The following UBXN2A variants were observed in gnomAD, a reference collection of about 807,000 sequenced individuals.
UBXN2A encodes the protein UBX domain protein 2A, also known as UBX domain-containing protein 2A.
Under a neutral mutation model 28.4 loss-of-function variants are expected in UBXN2A, and 28 were observed. The observed-to-expected ratio is 0.99, with a 90% confidence interval of 0.73 to 1.35. The LOEUF is 1.35. UBXN2A is among the 40% of genes most tolerant of loss of function. UBXN2A has a pLI of 0.00. For missense variants in UBXN2A, 253 were observed against 297.9 expected (o/e 0.85, Z 1.11); for synonymous variants, 97 against 103.6 (o/e 0.94, Z 0.39).
chr2:23,929,058 C>T (rs932379647), intron 1 of UBXN2A, among the ~76,000 whole-genome samples: 6 of 152,058 alleles, frequency 3.9e-5, no homozygotes, highest in Non-Finnish European at 8.8e-5. Flanking sequence ...GAGGCCGAGG[C>T]GGGAGGATGG....
Position 23,999,987 on chromosome 2 carries a change from C to A in UBXN2A, c.*120C>A. Reference sequence around the variant, plus strand: ...GACTTTTGGTTCGAGTACTATTGAACTCTCTCCTGATGAGAAGATGTTTAG... The same window carrying A: ...GACTTTTGGTTCGAGTACTATTGAAATCTCTCCTGATGAGAAGATGTTTAG... On this transcript the variant is annotated 3_prime_UTR_variant, in exon 7 of 7. Coordinates refer to ENST00000309033, the MANE Select transcript of UBXN2A (RefSeq NM_181713.4). 1.1e-6 allele frequency: 1 copy of A among 908,608 alleles called. No homozygotes were observed. The highest frequency in any genetic ancestry group is 1.7e-6 in the Non-Finnish European group (1 of 598,266). 56.3% of individuals were successfully genotyped at this position (908,608 alleles called of 1,614,324 possible).
At chr2:23,982,414 C>T (rs1030641972) in intron 4 of UBXN2A, among the ~76,000 whole-genome samples, 14 of 152,102 alleles carry the variant, frequency 9.2e-5, no homozygotes, top group East Asian at 3.9e-4. Context: ...CATTTAAAGC[C>T]GTCCTAGGCC....
chr2:23,971,753 G>A lies in UBXN2A; in HGVS notation c.180+339G>A, dbSNP rs139332306. Among the ~76,000 whole-genome samples the A allele has an allele frequency of 2.0e-3, 304 of 152,172 alleles. 1 individual carries two copies. Among genetic ancestry groups the A allele is most frequent in the African/African-American group, 6.8e-3 (282 of 41,532 alleles). On this transcript the variant is annotated intron_variant, in intron 3 of 6. Coordinates refer to ENST00000309033, the MANE Select transcript of UBXN2A (RefSeq NM_181713.4). ...AGTTCTCCTGCCTTGGTTTCCCAAAGTGCTGGGATTATAGGTGTGAGGCCA... is the reference window on the plus strand; with the variant it reads ...AGTTCTCCTGCCTTGGTTTCCCAAAATGCTGGGATTATAGGTGTGAGGCCA...
At chr2:23,989,208 T>G (rs2150907799) in intron 6 of UBXN2A, among the ~76,000 whole-genome samples, 1 of 151,874 alleles carries the variant, frequency 6.6e-6, no homozygotes, top group African/African-American at 2.4e-5. Flanking sequence ...GATACCAAAA[T>G]CAACAAAGAC....
chr2:23,981,303 C>CAAAA (rs34236089), intron 4 of UBXN2A, among the ~76,000 whole-genome samples: 2 of 69,468 alleles, frequency 2.9e-5, no homozygotes, highest in Non-Finnish European at 5.1e-5. Context: ...CCTGTCTCTA[C>CAAAA]AAAAAAAAAA....
At chr2:23,980,995 A>G (rs1707870906) in intron 4 of UBXN2A, among the ~76,000 whole-genome samples, 1 of 152,102 alleles carries the variant, frequency 6.6e-6, no homozygotes, top group Non-Finnish European at 1.5e-5. Flanking sequence ...TTTTCTGAAT[A>G]CAAATTCCTT....
intron 6 of UBXN2A, among the ~76,000 whole-genome samples, chr2:23,998,855 C>T (rs557817644): frequency 2.8e-4 from 42 of 152,274 alleles, no homozygotes; most frequent in African/African-American, 9.6e-4. Context: ...CTCAGCCTCC[C>T]GAGCAGCTGG....
At chr2:23,933,318 C>A (rs1469117503) in intron 1 of UBXN2A, among the ~76,000 whole-genome samples, 1 of 151,794 alleles carries the variant, frequency 6.6e-6, no homozygotes, top group Non-Finnish European at 1.5e-5. Flanking sequence ...ACCAGCCTGA[C>A]CAACATGGAG....
At chr2:23,968,704 T>C (rs367919712) in intron 2 of UBXN2A, among the ~76,000 whole-genome samples, 3 of 151,490 alleles carry the variant, frequency 2.0e-5, no homozygotes, top group Admixed American at 6.6e-5. Flanking sequence ...ATCTAACTTA[T>C]ATTTCCTGGC....
chr2:23,960,084 C>G (rs886193722), intron 2 of UBXN2A, among the ~76,000 whole-genome samples: 1 of 151,790 alleles, frequency 6.6e-6, no homozygotes, highest in Non-Finnish European at 1.5e-5. Flanking sequence ...AACCCCGTCT[C>G]TACTAAAAAT....
In UBXN2A at chr2:23,999,867, AT is replaced by A. The variant is rs747095744; in HGVS notation, c.*5del. ...CTTTTAGAGAACTTTCAGAGCACTGATTTTTGATAGACTAAGTGGAAAATTT... is the reference window on the plus strand; with the variant it reads ...CTTTTAGAGAACTTTCAGAGCACTGATTTTGATAGACTAAGTGGAAAATTT... On this transcript the variant is annotated 3_prime_UTR_variant, in exon 7 of 7. Coordinates refer to ENST00000309033, the MANE Select transcript of UBXN2A (RefSeq NM_181713.4). 4 of 1,608,038 alleles carry A rather than the reference AT, an allele frequency of 2.5e-6. No homozygotes were observed. The South Asian group carries it at 4.4e-5, about 18-fold the overall frequency.
At chr2:23,936,609 ACT>A (rs576907765), upstream of UBXN2A, among the ~76,000 whole-genome samples, 341 of 152,062 alleles carry the variant, frequency 2.2e-3, 2 homozygotes, top group African/African-American at 8.0e-3. Context: ...ATGGAGAGAG[ACT>A]CTGTCTCAAA....
chr2:23,960,372 A>C (rs1194535396), intron 2 of UBXN2A, among the ~76,000 whole-genome samples: 1 of 152,224 alleles, frequency 6.6e-6, no homozygotes, highest in Non-Finnish European at 1.5e-5. Flanking sequence ...ATTTCTGCGC[A>C]GTAATAAATT....
At chr2:23,942,181 G>A (rs1664063280) in intron 1 of UBXN2A, among the ~76,000 whole-genome samples, 1 of 152,114 alleles carries the variant, frequency 6.6e-6, no homozygotes, top group Admixed American at 6.6e-5. Flanking sequence ...AGGTAACAGG[G>A]GGACTTATCC....
chr2:23,971,412 C>G lies in UBXN2A; in HGVS notation c.178C>G (p.Gln60Glu). ...TGTGTCTCCCGCTGAACAGAAGAAA[C>G]AGGTAAATAAATGTCTATTACTTTT... is the stretch of plus-strand genomic sequence containing the variant. ...KCVSPAEQKK[Q>E]VDVNIKLWKN... The change falls in exon 3 of 7, where the codon CAG (glutamine) becomes GAG (glutamate). Residue 60 changes from glutamine (Q) to glutamate (E), a missense_variant and splice_region_variant. Coordinates refer to ENST00000309033, the MANE Select transcript of UBXN2A (RefSeq NM_181713.4). 6.5e-7 allele frequency: 1 copy of G among 1,534,914 alleles called. No homozygotes were observed. The highest frequency in any genetic ancestry group is 1.4e-5 in the African/African-American group (1 of 73,614).
At chr2:23,979,851 G>A (rs972594465) in intron 4 of UBXN2A, among the ~76,000 whole-genome samples, 9 of 151,670 alleles carry the variant, frequency 5.9e-5, no homozygotes, top group East Asian at 1.9e-4. Flanking sequence ...GATTACCAGC[G>A]TGAGCCACCA....
rs1432451657 is a variant in UBXN2A, at chr2:24,000,827, GC to G, written c.*962del. 6.6e-6 allele frequency: 1 copy of G among 152,020 alleles called. No homozygotes were observed. Among genetic ancestry groups the G allele is most frequent in the Non-Finnish European group, 1.5e-5 (1 of 68,010 alleles). 9.4% of individuals were successfully genotyped at this position (152,020 alleles called of 1,614,324 possible). A position where few individuals can be genotyped will look rare whatever the true frequency, so the allele number is the denominator to read the frequency against. ...TAAAAGAAAATTATCTTTCTAAAAA[GC>G]CTATTCCCTTTCCATTTTATTTTCT... On this transcript the variant is annotated 3_prime_UTR_variant, in exon 7 of 7. Transcript: ENST00000309033.
At chr2:23,940,371 T>G (rs1705683517), upstream of UBXN2A, 1 of 151,426 alleles carries the variant, frequency 6.6e-6, no homozygotes, top group Non-Finnish European at 1.5e-5. Context: ...CCGCCGGGAC[T>G]TGAAGCGCCC....
chr2:23,944,122 C>T (rs527431021), intron 1 of UBXN2A: 34 of 809,694 alleles, frequency 4.2e-5, no homozygotes, highest in African/African-American at 4.1e-4. Context: ...CCTGTTACTC[C>T]CAGGAAAGTT....
Sources: allele counts gnomAD v4.1 joint callset (sites outside exome capture counted in the v4.1 genomes callset), GRCh38; gene constraint gnomAD v4.1.1; transcripts MANE v1.5; gene names NCBI Gene and HGNC (gene_info 2026-07-23, HGNC 2026-07-21).